CCDC91: variants seen among roughly 807,000 people sequenced by gnomAD.
CCDC91 encodes coiled-coil domain-containing protein 91.
A neutral mutation model predicts 63.2 loss-of-function variants in CCDC91; 48 were observed. The ratio of observed to expected loss-of-function variants is 0.76; its 90% CI spans 0.60 to 0.97. The LOEUF (loss-of-function observed/expected upper bound fraction) is 0.97, where lower values mean the gene tolerates loss of function less well. Ranked by LOEUF, CCDC91 falls within the 50% of genes least tolerant of loss-of-function variation. The pLI is 0.00. For synonymous variants in CCDC91, 167 were observed against 165.8 expected (o/e 1.01, Z -0.06); for missense variants, 500 against 494.6 (o/e 1.01, Z -0.10).
chr12:28,199,273 T>C (rs1488827679), intron 1 of CCDC91, among the ~76,000 whole-genome samples: 1 of 150,986 alleles, frequency 6.6e-6, no homozygotes, highest in African/African-American at 2.4e-5. Flanking sequence ...GACTTACAAA[T>C]AGTACCTTAT....
chr12:28,324,207 AAG>A (rs1312588791), intron 6 of CCDC91, among the ~76,000 whole-genome samples: 2 of 151,866 alleles, frequency 1.3e-5, no homozygotes, highest in African/African-American at 4.8e-5. Context: ...GGGGGTGAGA[AAG>A]AGGAAAGAAT....
chr12:28,275,378 G>A (rs1948133482), intron 3 of CCDC91, among the ~76,000 whole-genome samples: 1 of 152,060 alleles, frequency 6.6e-6, no homozygotes, highest in East Asian at 1.9e-4. Flanking sequence ...TAGAAGAAAT[G>A]GATAAATTCC....
chr12:28,442,900 T>G (rs968291755), intron 8 of CCDC91, among the ~76,000 whole-genome samples: 2 of 152,060 alleles, frequency 1.3e-5, no homozygotes, highest in Admixed American at 6.5e-5. Context: ...TTGTCTCAGA[T>G]TTTGGTATCA....
intron 6 of CCDC91, among the ~76,000 whole-genome samples, chr12:28,314,592 A>G (rs1939650210): frequency 6.6e-6 from 1 of 151,626 alleles, no homozygotes; most frequent in South Asian, 2.1e-4. Context: ...ATATTAGTAC[A>G]CATTAAGCAT....
intron 12 of CCDC91, among the ~76,000 whole-genome samples, chr12:28,544,601 G>A (rs1187624137): frequency 1.3e-5 from 2 of 151,912 alleles, no homozygotes; most frequent in African/African-American, 2.4e-5. Context: ...AGTACTATGT[G>A]TATTTGACAC....
intron 12 of CCDC91, among the ~76,000 whole-genome samples, chr12:28,504,872 CT>C (rs1382801393): frequency 6.6e-6 from 1 of 151,880 alleles, no homozygotes; most frequent in African/African-American, 2.4e-5. Context: ...ATAAATTTAC[CT>C]GTAGAAATTC....
chr12:28,407,473 T>G (rs909650124), intron 8 of CCDC91, among the ~76,000 whole-genome samples: 16 of 152,218 alleles, frequency 1.1e-4, no homozygotes, highest in African/African-American at 3.9e-4. Context: ...CCCTCCATTA[T>G]TTTTATTTTG....
At chr12:28,394,339 A>C (rs572302532) in intron 8 of CCDC91, among the ~76,000 whole-genome samples, 1 of 151,936 alleles carries the variant, frequency 6.6e-6, no homozygotes, top group East Asian at 1.9e-4. Flanking sequence ...GGTGGCGGGC[A>C]CCTGTAGTCT....
chr12:28,249,652 A>G (rs1432406616), intron 1 of CCDC91, among the ~76,000 whole-genome samples: 2 of 152,096 alleles, frequency 1.3e-5, no homozygotes, highest in Non-Finnish European at 2.9e-5. Flanking sequence ...TTGCATGCAC[A>G]CTAAATTTTA....
chr12:28,445,824 T>G (rs1949470508), intron 8 of CCDC91, among the ~76,000 whole-genome samples: 1 of 152,170 alleles, frequency 6.6e-6, no homozygotes, highest in Non-Finnish European at 1.5e-5. Context: ...CGAGTGCTCT[T>G]TTCCCCATCC....
At chr12:28,404,832 A>G (rs938728040) in intron 8 of CCDC91, among the ~76,000 whole-genome samples, 28 of 152,072 alleles carry the variant, frequency 1.8e-4, no homozygotes, top group African/African-American at 6.3e-4. Flanking sequence ...CAGTGTTACC[A>G]TAATACCTCT....
chr12:28,220,031 G>A (rs926559829), intron 1 of CCDC91, among the ~76,000 whole-genome samples: 4 of 151,744 alleles, frequency 2.6e-5, no homozygotes, highest in African/African-American at 9.7e-5. Flanking sequence ...CATACAGTTG[G>A]GTCTTGCTTT....
At chr12:28,497,551 T>C (rs189170368) in intron 12 of CCDC91, among the ~76,000 whole-genome samples, 10 of 151,740 alleles carry the variant, frequency 6.6e-5, no homozygotes, top group Admixed American at 2.6e-4. Flanking sequence ...CTTTTCCAGA[T>C]GACTTTTTTT....
chr12:28,453,191 TTTGA>T (rs1245753244), intron 11 of CCDC91, among the ~76,000 whole-genome samples: 1 of 151,994 alleles, frequency 6.6e-6, no homozygotes, highest in Non-Finnish European at 1.5e-5. Flanking sequence ...CAGAATAACT[TTTGA>T]TTGTTTATCT....
chr12:28,486,248 CTG>C (rs1271585076), intron 12 of CCDC91, among the ~76,000 whole-genome samples: 1 of 152,180 alleles, frequency 6.6e-6, no homozygotes, highest in Non-Finnish European at 1.5e-5. Flanking sequence ...CTTTCTGTGA[CTG>C]GCTTATTTCA....
In CCDC91 at chr12:28,306,760, ACT is replaced by A; in HGVS notation, c.288_289del (p.His97SerfsTer12). 6.2e-7 allele frequency: 1 copy of A among 1,610,184 alleles called. No individual in the cohort carries two copies. The highest frequency in any genetic ancestry group is 1.1e-5 in the South Asian group (1 of 90,638). On this transcript the variant is annotated frameshift_variant, in exon 5 of 13. Transcript: ENST00000536442. LOFTEE classifies it high-confidence loss of function. ...GGTTTAGATTCAGCAATCAACACAC[ACT>A]CATCTGGATATCTCACTTTTTCCAT... is the stretch of plus-strand genomic sequence containing the variant. ...PKAQIQQSTH[T>X]HLDISLFPLG...
intron 11 of CCDC91, among the ~76,000 whole-genome samples, chr12:28,479,508 A>C (rs1270790996): frequency 6.6e-6 from 1 of 152,162 alleles, no homozygotes; most frequent in Non-Finnish European, 1.5e-5. Flanking sequence ...AGATATACCT[A>C]ATGTAAATGA....
At chr12:28,220,504 T>C (rs1397540782) in intron 1 of CCDC91, among the ~76,000 whole-genome samples, 1 of 152,076 alleles carries the variant, frequency 6.6e-6, no homozygotes, top group Non-Finnish European at 1.5e-5. Context: ...AATTTTTAGA[T>C]TTACCCACCT....
chr12:28,512,249 A>G (rs1019560830), intron 12 of CCDC91, among the ~76,000 whole-genome samples: 1 of 151,840 alleles, frequency 6.6e-6, no homozygotes, highest in Non-Finnish European at 1.5e-5. Flanking sequence ...AAGCTTCTCC[A>G]TCAATATTAC....
Sources: allele counts gnomAD v4.1 joint callset (sites outside exome capture counted in the v4.1 genomes callset), GRCh38; gene constraint gnomAD v4.1.1; transcripts MANE v1.5; gene names NCBI Gene and HGNC (gene_info 2026-07-23, HGNC 2026-07-21).